Variants in PCDH9 observed in about 807,000 individuals in gnomAD.
PCDH9 encodes the protein protocadherin 9.
Under a neutral mutation model 70.6 loss-of-function variants are expected in PCDH9, and 24 were observed. The observed-to-expected ratio is 0.34, with a 90% CI of 0.25 to 0.48. The LOEUF (loss-of-function observed/expected upper bound fraction) is 0.48. Among genes scored for constraint, PCDH9 ranks in the 20% least tolerant of loss-of-function variants. PCDH9 has a pLI of 0.99. For missense variants in PCDH9, 1,281 were observed against 1,503.6 expected (o/e 0.85, Z 2.45); for synonymous variants, 562 against 558.5 (o/e 1.01, Z -0.09).
At chr13:66,563,863 C>T (rs2076612744) in intron 4 of PCDH9, among the ~76,000 whole-genome samples, 2 of 152,024 alleles carry the variant, frequency 1.3e-5, no homozygotes, top group African/African-American at 4.8e-5. Flanking sequence ...AAACATATTA[C>T]CCAGTTTTAT....
intron 3 of PCDH9, among the ~76,000 whole-genome samples, chr13:66,635,652 G>A (rs2077627692): frequency 6.6e-6 from 1 of 152,026 alleles, no homozygotes. Context: ...ACTGAGCATT[G>A]TTCTTCAAGA....
intron 3 of PCDH9, among the ~76,000 whole-genome samples, chr13:66,631,950 A>G (rs58925624): frequency 0.031 from 4,739 of 152,076 alleles, 255 homozygotes; most frequent in African/African-American, 0.11. Context: ...TTGGAGTGCA[A>G]TGGCGCGATC....
chr13:67,152,507 C>A (rs2087688069), intron 2 of PCDH9, among the ~76,000 whole-genome samples: 1 of 152,154 alleles, frequency 6.6e-6, no homozygotes, highest in Non-Finnish European at 1.5e-5. Flanking sequence ...TGGTAGATAG[C>A]AGAATATTTC....
intron 2 of PCDH9, among the ~76,000 whole-genome samples, chr13:66,908,493 A>G (rs998415181): frequency 2.6e-5 from 4 of 152,184 alleles, no homozygotes; most frequent in African/African-American, 9.7e-5. Context: ...ATTTTCTCAG[A>G]CACAGGAACA....
chr13:66,838,386 C>A (rs904498738), intron 3 of PCDH9, among the ~76,000 whole-genome samples: 4 of 151,554 alleles, frequency 2.6e-5, no homozygotes, highest in African/African-American at 9.7e-5. Context: ...AAAAAAAATT[C>A]ATTGTCAGTG....
intron 4 of PCDH9, among the ~76,000 whole-genome samples, chr13:66,622,707 C>G (rs2077441713): frequency 6.6e-6 from 1 of 152,188 alleles, no homozygotes; most frequent in Admixed American, 6.5e-5. Flanking sequence ...AAACAGACCA[C>G]TGGTCTCTAC....
intron 2 of PCDH9, among the ~76,000 whole-genome samples, chr13:66,931,983 T>C (rs1487189352): frequency 6.6e-6 from 1 of 152,154 alleles, no homozygotes; most frequent in African/African-American, 2.4e-5. Flanking sequence ...TTTGCTTCCT[T>C]GTGTTTGAAT....
At chr13:66,369,373 T>G (rs553585609) in intron 4 of PCDH9, among the ~76,000 whole-genome samples, 1 of 152,268 alleles carries the variant, frequency 6.6e-6, no homozygotes, top group South Asian at 2.1e-4. Flanking sequence ...ATAGTTAGTT[T>G]ATGACATAAC....
intron 2 of PCDH9, among the ~76,000 whole-genome samples, chr13:67,108,541 T>C (rs12184632): frequency 0.12 from 18,496 of 152,146 alleles, 1,197 homozygotes; most frequent in African/African-American, 0.15. Flanking sequence ...AATAATAATA[T>C]CAATTTTTAG....
chr13:66,603,479 A>G (rs946515862), intron 4 of PCDH9, among the ~76,000 whole-genome samples: 1 of 152,010 alleles, frequency 6.6e-6, no homozygotes, highest in Non-Finnish European at 1.5e-5. Flanking sequence ...AGTCTTTGAA[A>G]ATTGTTCAAT....
chr13:67,014,702 T>C (rs766050889), intron 2 of PCDH9, among the ~76,000 whole-genome samples: 9 of 152,046 alleles, frequency 5.9e-5, no homozygotes, highest in Non-Finnish European at 1.3e-4. Context: ...TGGGAAGAAG[T>C]GGCCCAATTA....
chr13:67,049,966 T>C (rs533162938), intron 2 of PCDH9, among the ~76,000 whole-genome samples: 1 of 152,296 alleles, frequency 6.6e-6, no homozygotes, highest in East Asian at 1.9e-4. Flanking sequence ...GAATGAACAA[T>C]AGTAAATTCG....
intron 3 of PCDH9, among the ~76,000 whole-genome samples, chr13:66,735,532 C>T (rs1381857858): frequency 1.1e-4 from 16 of 151,880 alleles, no homozygotes; most frequent in Non-Finnish European, 2.9e-5. Context: ...AATATGAGCA[C>T]ATTTAGAAAA....
chr13:66,587,299 A>G (rs974831542), intron 4 of PCDH9, among the ~76,000 whole-genome samples: 32 of 151,900 alleles, frequency 2.1e-4, no homozygotes, highest in African/African-American at 6.0e-4. Flanking sequence ...CCCTGTCTCA[A>G]ACAAAACAAA....
chr13:66,484,992 C>T (rs1030608664), intron 4 of PCDH9, among the ~76,000 whole-genome samples: 1 of 152,034 alleles, frequency 6.6e-6, no homozygotes, highest in Non-Finnish European at 1.5e-5. Flanking sequence ...ATAAAATGTA[C>T]CTGCAATTTT....
chr13:66,349,305 C>T (rs546388055), intron 4 of PCDH9, among the ~76,000 whole-genome samples: 14 of 152,220 alleles, frequency 9.2e-5, no homozygotes, highest in African/African-American at 1.9e-4. Flanking sequence ...TTAAAGCATA[C>T]GCCTGTGCTC....
At chr13:66,459,424 A>T (rs1435301769) in intron 4 of PCDH9, among the ~76,000 whole-genome samples, 1 of 151,918 alleles carries the variant, frequency 6.6e-6, no homozygotes, top group Non-Finnish European at 1.5e-5. Context: ...GAAGCCAATG[A>T]TTGCAATGCC....
intron 2 of PCDH9, among the ~76,000 whole-genome samples, chr13:67,006,151 C>G (rs539052107): frequency 6.6e-6 from 1 of 152,210 alleles, no homozygotes; most frequent in Non-Finnish European, 1.5e-5. Context: ...GGCGTGAACC[C>G]GGGAGGCGCA....
chr13:66,326,491 T>G (rs1566242780), intron 4 of PCDH9, among the ~76,000 whole-genome samples: 2 of 151,146 alleles, frequency 1.3e-5, no homozygotes, highest in Non-Finnish European at 2.9e-5. Context: ...CGATCTCGGC[T>G]CACTGCAAGC....
Sources: allele counts gnomAD v4.1 joint callset (sites outside exome capture counted in the v4.1 genomes callset), GRCh38; gene constraint gnomAD v4.1.1; transcripts MANE v1.5; gene names NCBI Gene and HGNC (gene_info 2026-07-23, HGNC 2026-07-21).